The following DMD variants were observed in gnomAD, a reference collection of about 807,000 sequenced individuals.
DMD encodes the protein mutant dystrophin.
In DMD, 63 loss-of-function variants were observed where a neutral mutation model predicts 330.1. The observed-to-expected ratio is 0.19, with a 90% confidence interval of 0.16 to 0.24. DMD has a LOEUF of 0.24. Ranked by LOEUF, DMD falls within the 10% of genes least tolerant of loss-of-function variation. DMD has a pLI of 1.00. For missense variants in DMD, 3,344 were observed against 2,684.1 expected (o/e 1.25, Z -5.43); for synonymous variants, 1,223 against 959.8 (o/e 1.27, Z -5.07).
chrX:32,557,283 C>G (rs958740648), intron 16 of DMD, among the ~76,000 whole-genome samples: 1 of 111,530 alleles, frequency 9.0e-6, no homozygotes, highest in Non-Finnish European at 1.9e-5. Flanking sequence ...ATGGTGGTTT[C>G]CTTTTAAGGG....
intron 55 of DMD, among the ~76,000 whole-genome samples, chrX:31,512,571 G>C (rs1163969018): frequency 9.4e-6 from 1 of 106,092 alleles, no homozygotes; most frequent in Non-Finnish European, 1.9e-5. Context: ...AGTTTTCCCA[G>C]CACCATTTAT....
intron 78 of DMD, among the ~76,000 whole-genome samples, chrX:31,122,833 G>A (rs911867340): frequency 1.8e-5 from 2 of 111,686 alleles, no homozygotes; most frequent in Non-Finnish European, 3.8e-5. Flanking sequence ...CAATGTCCCT[G>A]GGTACTTCGT....
At chrX:31,371,615 G>C (rs1178073052) in intron 60 of DMD, among the ~76,000 whole-genome samples, 1 of 111,038 alleles carries the variant, frequency 9.0e-6, no homozygotes, top group Non-Finnish European at 1.9e-5. Context: ...AGCTTGAGCT[G>C]GATCTGCAAT....
chrX:32,779,693 C>T (rs1296943248), intron 7 of DMD, among the ~76,000 whole-genome samples: 33 of 71,899 alleles, frequency 4.6e-4, no homozygotes, highest in Admixed American at 8.2e-4. Flanking sequence ...TGGCTGCATA[C>T]GGCCTGTGGT....
chrX:33,083,961 T>C (rs190549855), intron 1 of DMD, among the ~76,000 whole-genome samples: 6 of 110,820 alleles, frequency 5.4e-5, no homozygotes, highest in Admixed American at 4.8e-4. Context: ...GAAGCAGGCA[T>C]TGGCAGCACC....
chrX:33,042,157 G>A (rs1367089246), intron 1 of DMD, among the ~76,000 whole-genome samples: 2 of 111,406 alleles, frequency 1.8e-5, no homozygotes, highest in Non-Finnish European at 3.8e-5. Flanking sequence ...TTTTGTAATT[G>A]TAACAACCTC....
intron 1 of DMD, among the ~76,000 whole-genome samples, chrX:33,064,683 G>A (rs1164858709): frequency 9.0e-6 from 1 of 111,296 alleles, no homozygotes; most frequent in Admixed American, 9.7e-5. Flanking sequence ...GAAGTCAGGA[G>A]TTCAAGACCA....
chrX:33,115,249 G>A (rs758322737), intron 1 of DMD, among the ~76,000 whole-genome samples: 86 of 111,864 alleles, frequency 7.7e-4, no homozygotes, highest in Middle Eastern at 4.6e-3. Context: ...ACTTTCTTCA[G>A]GGATATACAC....
chrX:32,710,326 A>G (rs1033358135), intron 7 of DMD, among the ~76,000 whole-genome samples: 4 of 110,715 alleles, frequency 3.6e-5, no homozygotes, highest in Non-Finnish European at 7.6e-5. Context: ...AGTTAAGCAT[A>G]ATGCACCTCA....
intron 52 of DMD, among the ~76,000 whole-genome samples, chrX:31,689,635 G>T (rs1422716869): frequency 9.0e-6 from 1 of 110,844 alleles, no homozygotes; most frequent in Non-Finnish European, 1.9e-5. Flanking sequence ...AGTTCATATG[G>T]AACCAAAAAA....
chrX:33,025,761 G>A (rs1293101782), intron 1 of DMD, among the ~76,000 whole-genome samples: 1 of 110,809 alleles, frequency 9.0e-6, no homozygotes, highest in African/African-American at 3.3e-5. Flanking sequence ...GTCTCCCCAT[G>A]TTGCCCAGGC....
chrX:32,600,810 A>G (rs1414471058), intron 12 of DMD, among the ~76,000 whole-genome samples: 2 of 111,600 alleles, frequency 1.8e-5, no homozygotes, highest in East Asian at 5.6e-4. Flanking sequence ...TGTAGCAAAC[A>G]TAAAATTTGC....
upstream of DMD, among the ~76,000 whole-genome samples, chrX:33,216,071 T>C (rs779600092): frequency 2.1e-4 from 23 of 112,032 alleles, 1 homozygote; most frequent in South Asian, 4.8e-3. Context: ...AAAATTGACG[T>C]TGGTAGTTTG....
rs144670450 is a variant in DMD at position 32,414,966 on chromosome X, C to G, written c.4072-3053G>C. The stretch of plus-strand genomic sequence containing the variant: ...AGATAACAGTGTTCAGGGCTATAAT[C>G]AGAGCCTCTATTGCAGAGGAGACTG... On this transcript the variant is annotated intron_variant, in intron 29 of 78. Transcript: ENST00000357033. Among the ~76,000 whole-genome samples the G allele has an allele frequency of 7.8e-3, 873 of 111,767 alleles. 9 individuals are homozygous for G. Among genetic ancestry groups the G allele is most frequent in the African/African-American group, 0.027 (825 of 30,755 alleles).
chrX:33,009,207 TA>T (rs1392343696), intron 2 of DMD, among the ~76,000 whole-genome samples: 1 of 55,355 alleles, frequency 1.8e-5, no homozygotes, highest in Non-Finnish European at 3.4e-5. Context: ...TATGTGTATA[TA>T]TACACATATG....
chrX:33,293,229 A>G (rs1046855492), intron 1 of DMD, among the ~76,000 whole-genome samples: 3 of 111,546 alleles, frequency 2.7e-5, no homozygotes, highest in African/African-American at 9.8e-5. Context: ...TGGCTATAGC[A>G]GGTTGTCAGT....
chrX:32,503,039 G>C, intron 18 of DMD, among the ~76,000 whole-genome samples: 1 of 111,323 alleles, frequency 9.0e-6, no homozygotes. Context: ...AAAATTTAAA[G>C]GTTACATGTG....
At chrX:33,074,403 T>C (rs1234988933) in intron 1 of DMD, among the ~76,000 whole-genome samples, 1 of 97,723 alleles carries the variant, frequency 1.0e-5, no homozygotes, top group East Asian at 3.3e-4. Flanking sequence ...CAAGTTTTTC[T>C]TTTAACACTA....
chrX:32,214,697 A>G (rs1379610401), intron 44 of DMD, among the ~76,000 whole-genome samples: 1 of 111,883 alleles, frequency 8.9e-6, no homozygotes, highest in Non-Finnish European at 1.9e-5. Context: ...GGTCATAACA[A>G]AGCATAAAAG....
Sources: gnomAD v4.1 joint callset for allele counts (sites outside exome capture counted in the v4.1 genomes callset) on GRCh38, gnomAD v4.1.1 for gene constraint, MANE v1.5 for transcripts, NCBI Gene and HGNC (gene_info 2026-07-23, HGNC 2026-07-21) for gene names.